Variants in BIRC2 observed in about 807,000 individuals in gnomAD.
The protein encoded by BIRC2 is baculoviral IAP repeat-containing protein 2.
BIRC2 carries 18 observed loss-of-function variants against 60.9 expected under a neutral mutation model. That is an observed-to-expected ratio of 0.30 (90% CI 0.20 to 0.44). The LOEUF is 0.44. Ranked by LOEUF, BIRC2 falls within the 20% of genes least tolerant of loss-of-function variation. The pLI is 1.00. For synonymous variants in BIRC2, 282 were observed against 247.7 expected (o/e 1.14, Z -1.30); for missense variants, 701 against 728.5 (o/e 0.96, Z 0.43).
chr11:102,365,107 A>G (rs1356488625), intron 5 of BIRC2, among the ~76,000 whole-genome samples: 1 of 152,188 alleles, frequency 6.6e-6, no homozygotes, highest in Non-Finnish European at 1.5e-5. Context: ...CAAAACCACT[A>G]GGCTACATAA....
intron 8 of BIRC2, 38 bp from the exon 9 acceptor site, chr11:102,377,948 TGAAG>T: frequency 6.3e-7 from 1 of 1,599,648 alleles, no homozygotes; most frequent in Admixed American, 1.8e-5. Context: ...TTTTTTTTAA[TGAAG>T]TGGAAACAAT....
At position 102,348,744 on chromosome 11, in the gene BIRC2, T is replaced by G; in HGVS notation, c.-1111T>G. The G allele has an allele frequency of 2.5e-6, 1 of 395,878 alleles. No homozygotes were observed. Among genetic ancestry groups the G allele is most frequent in the Non-Finnish European group, 4.9e-6 (1 of 202,582 alleles). 24.5% of individuals were successfully genotyped at this position (395,878 alleles called of 1,614,324 possible). A position where few individuals can be genotyped will look rare whatever the true frequency, so the allele number is the denominator to read the frequency against. On this transcript the variant is annotated 5_prime_UTR_variant, in exon 2 of 9. In the 5' UTR this introduces an upstream ATG that the reference lacks. Transcript: ENST00000227758. ...TGTATGAATTATATTTTTAAAACAT[T>G]GAAGAGTTTTCAGAAAGAAGGCTAG... is the stretch of plus-strand genomic sequence containing the variant.
rs1437180937 is a variant in BIRC2, at chr11:102,349,597, A to C, written c.-258A>C. Reference sequence around the variant, plus strand: ...TCAGGGCTTTAAGTTAGTATTACTCAAGATTATGAACAAATAGCACTTAGG... The same window carrying C: ...TCAGGGCTTTAAGTTAGTATTACTCCAGATTATGAACAAATAGCACTTAGG... On this transcript the variant is annotated 5_prime_UTR_variant, in exon 2 of 9. Coordinates refer to ENST00000227758, the MANE Select transcript of BIRC2 (RefSeq NM_001166.5). 2 of 328,200 alleles carry C rather than the reference A, an allele frequency of 6.1e-6. No individual in the cohort carries two copies. Among genetic ancestry groups the C allele is most frequent in the Non-Finnish European group, 5.6e-6 (1 of 179,746 alleles). 20.3% of individuals were successfully genotyped at this position (328,200 alleles called of 1,614,324 possible).
At chr11:102,368,017 T>G (rs1324697360) in intron 5 of BIRC2, among the ~76,000 whole-genome samples, 1 of 152,204 alleles carries the variant, frequency 6.6e-6, no homozygotes, top group Non-Finnish European at 1.5e-5. Context: ...TTGGGAAATA[T>G]TCAAAAGATA....
intron 5 of BIRC2, among the ~76,000 whole-genome samples, chr11:102,366,092 G>A (rs1187920980): frequency 6.6e-6 from 1 of 152,078 alleles, no homozygotes; most frequent in African/African-American, 2.4e-5. Flanking sequence ...CCAGCTAACT[G>A]TTTAAATCTC....
Position 102,350,032 on chromosome 11 carries a change from G to T in BIRC2, c.178G>T (p.Val60Leu). 4 of 1,614,212 alleles carry T rather than the reference G, an allele frequency of 2.5e-6. No homozygotes were observed. The highest frequency in any genetic ancestry group is 3.4e-6 in the Non-Finnish European group (4 of 1,180,038). Reference protein sequence around the residue: ...MSTYSTFPAGVPVSERSLARA... With the variant: ...MSTYSTFPAGLPVSERSLARA... ...TACATATTCAACTTTCCCCGCCGGGGTGCCTGTCTCAGAAAGGAGTCTTGC... is the reference window on the plus strand; with the variant it reads ...TACATATTCAACTTTCCCCGCCGGGTTGCCTGTCTCAGAAAGGAGTCTTGC... The change falls in exon 2 of 9, where the codon GTG becomes TTG. Residue 60 changes from valine to leucine, a missense_variant. Val to Leu is a conservative substitution (Grantham distance 32). Coordinates refer to ENST00000227758, the MANE Select transcript of BIRC2 (RefSeq NM_001166.5).
At chr11:102,356,389 C>T (rs944096495) in intron 3 of BIRC2, among the ~76,000 whole-genome samples, 15 of 151,370 alleles carry the variant, frequency 9.9e-5, no homozygotes, top group African/African-American at 3.1e-4. Flanking sequence ...GTAGAGATGG[C>T]GTTTCACCAT....
chr11:102,372,516 A>G (rs76871517), intron 6 of BIRC2, among the ~76,000 whole-genome samples: 6,970 of 152,010 alleles, frequency 0.046, 199 homozygotes, highest in Non-Finnish European at 0.068. Flanking sequence ...GTTTGATTGC[A>G]CTGTGGTCTG....
intron 6 of BIRC2, among the ~76,000 whole-genome samples, chr11:102,374,855 G>C (rs557915645): frequency 2.0e-5 from 3 of 152,376 alleles, no homozygotes; most frequent in East Asian, 3.9e-4. Context: ...CCAGGTGTGG[G>C]ATATAATCTC....
chr11:102,350,398 A>G lies in BIRC2; in HGVS notation c.544A>G (p.Ser182Gly). 1 of 1,614,230 alleles carries G rather than the reference A, an allele frequency of 6.2e-7. No homozygotes were observed. Among genetic ancestry groups the G allele is most frequent in the East Asian group, 2.2e-5 (1 of 44,890 alleles). ...SRTNPYSYAM[S>G]TEEARFLTYH... ...GACTAACCCCTACAGTTATGCAATGAGTACTGAAGAAGCCAGATTTCTTAC... is the reference window on the plus strand; with the variant it reads ...GACTAACCCCTACAGTTATGCAATGGGTACTGAAGAAGCCAGATTTCTTAC... The change falls in exon 2 of 9, where the codon AGT becomes GGT. Residue 182 changes from serine to glycine, a missense_variant. Ser to Gly is a moderately conservative substitution (Grantham distance 56). Around this residue, in one of 4 missense-constraint regions of BIRC2, gnomAD observed 375 missense variants for 365.9 expected, o/e 1.02. Transcript: ENST00000227758.
intron 5 of BIRC2, among the ~76,000 whole-genome samples, chr11:102,367,805 C>T (rs1243074690): frequency 6.6e-6 from 1 of 152,144 alleles, no homozygotes; most frequent in African/African-American, 2.4e-5. Flanking sequence ...CTATACTTCC[C>T]ATTTTTGTTT....
chr11:102,350,625 G>C lies in BIRC2; in HGVS notation c.771G>C (p.Leu257=). Residue 257 remains leucine, a synonymous_variant, in exon 2 of 9, where the codon CTG becomes CTC. Coordinates refer to ENST00000227758, the MANE Select transcript of BIRC2 (RefSeq NM_001166.5). Reference sequence around the variant, plus strand: ...TTTTGGAAAATTCTCTAGAAACTCTGAGGTTTAGCATTTCAAATCTGAGCA... The same window carrying C: ...TTTTGGAAAATTCTCTAGAAACTCTCAGGTTTAGCATTTCAAATCTGAGCA... ...CPFLENSLET[L]RFSISNLSMQ... is the part of the protein sequence containing the mutation. The C allele has an allele frequency of 1.2e-6, 2 of 1,614,130 alleles. No homozygotes were observed. The highest frequency in any genetic ancestry group is 1.7e-6 in the Non-Finnish European group (2 of 1,180,038).
chr11:102,372,082 C>T (rs1214949856), intron 6 of BIRC2, among the ~76,000 whole-genome samples: 84 of 152,134 alleles, frequency 5.5e-4, no homozygotes, highest in African/African-American at 1.8e-3. Context: ...GTCTTGCTAG[C>T]GGTCTATCTA....
At chr11:102,377,454 A>G (rs762334547) in intron 6 of BIRC2, 42 bp from the exon 7 acceptor site, 33 of 1,540,426 alleles carry the variant, frequency 2.1e-5, no homozygotes, top group Non-Finnish European at 2.9e-5. Flanking sequence ...TAGTTAAAGG[A>G]GTTTAAAATC....
rs1037352020 is a variant in BIRC2 at position 102,378,396 on chromosome 11, G to A, written c.*213G>A. The A allele has an allele frequency of 6.3e-5, 28 of 443,936 alleles. No homozygotes were observed. Among genetic ancestry groups the A allele is most frequent in the Non-Finnish European group, 1.1e-4 (27 of 254,864 alleles). The allele number at this position is 443,936 out of a possible 1,614,324, so 27.5% of individuals were successfully genotyped here. On this transcript the variant is annotated 3_prime_UTR_variant, in exon 9 of 9. Coordinates refer to ENST00000227758, the MANE Select transcript of BIRC2 (RefSeq NM_001166.5). ...ATTTACAAGGGAAGATTTATGTTTG[G>A]TGAACTATATTAGTATGTATGTGTA... is the stretch of plus-strand genomic sequence containing the variant.
intron 6 of BIRC2, among the ~76,000 whole-genome samples, chr11:102,376,567 A>G (rs1003755903): frequency 2.0e-5 from 3 of 152,186 alleles, no homozygotes; most frequent in African/African-American, 7.2e-5. Context: ...AAAATAGACA[A>G]ATTTTATAAT....
chr11:102,378,061 G>T lies in BIRC2; in HGVS notation c.1735G>T (p.Val579Phe). ...RTCKVCMDKE[V>F]SVVFIPCGHL... ...TTGTAAAGTGTGTATGGACAAAGAAGTTTCTGTTGTATTTATTCCTTGTGG... is the reference window on the plus strand; with the variant it reads ...TTGTAAAGTGTGTATGGACAAAGAATTTTCTGTTGTATTTATTCCTTGTGG... Residue 579 changes from valine (V) to phenylalanine (F), a missense_variant, in exon 9 of 9, where the codon GTT becomes TTT. Physicochemically the swap from Val to Phe is conservative, Grantham distance 50. Around this residue, in one of 4 missense-constraint regions of BIRC2, gnomAD observed 52 missense variants for 83.9 expected, o/e 0.62. Coordinates refer to ENST00000227758, the MANE Select transcript of BIRC2 (RefSeq NM_001166.5). 6.2e-7 allele frequency: 1 copy of T among 1,613,478 alleles called. No homozygotes were observed. The highest frequency in any genetic ancestry group is 8.5e-7 in the Non-Finnish European group (1 of 1,179,690).
intron 4 of BIRC2, 56 bp downstream of exon 4, chr11:102,363,030 A>C: frequency 1.5e-6 from 2 of 1,306,330 alleles, no homozygotes; most frequent in Non-Finnish European, 2.2e-6. Context: ...TAACAAAAAT[A>C]TTATTAGGTT....
At position 102,347,267 on chromosome 11, in the gene BIRC2, C is replaced by G. The variant is rs1180468432; in HGVS notation, c.-1367C>G. ...GCGGCGGGCTTCGGGAGCGCCCGGG[C>G]TGATCCGAGCCGAGCGGGCCGTATC... On this transcript the variant is annotated 5_prime_UTR_variant, in exon 1 of 9. Coordinates refer to ENST00000227758, the MANE Select transcript of BIRC2 (RefSeq NM_001166.5). The G allele has an allele frequency of 1.3e-5, 2 of 152,306 alleles. No homozygotes were observed. The highest frequency in any genetic ancestry group is 2.9e-5 in the Non-Finnish European group (2 of 68,086). 9.4% of individuals were successfully genotyped at this position (152,306 alleles called of 1,614,324 possible).
Sources: gnomAD v4.1 joint callset for allele counts (sites outside exome capture counted in the v4.1 genomes callset) on GRCh38, gnomAD v4.1.1 for gene constraint, gnomAD v4.1.1 regional missense constraint, MANE v1.5 for transcripts, NCBI Gene and HGNC (gene_info 2026-07-23, HGNC 2026-07-21) for gene names.